EPHA6: variants seen among roughly 807,000 people sequenced by gnomAD.
EPHA6 encodes ephrin type-A receptor 6.
A neutral mutation model predicts 112.0 loss-of-function variants in EPHA6; 50 were observed. That is an observed-to-expected ratio of 0.45 (90% confidence interval 0.36 to 0.56). EPHA6 has a LOEUF of 0.56. Ranked by LOEUF, EPHA6 falls within the 20% of genes least tolerant of loss-of-function variation. The pLI, the probability that EPHA6 is intolerant of heterozygous loss-of-function variation, is 0.00. For missense variants in EPHA6, 1,280 were observed against 1,417.4 expected (o/e 0.90, Z 1.56); for synonymous variants, 529 against 490.7 (o/e 1.08, Z -1.03).
chr3:97,231,225 T>C (rs180819074), intron 4 of EPHA6, among the ~76,000 whole-genome samples: 13 of 152,250 alleles, frequency 8.5e-5, no homozygotes, highest in African/African-American at 2.9e-4. Flanking sequence ...AAGTGAAATA[T>C]AGAGCTTTAG....
intron 5 of EPHA6, among the ~76,000 whole-genome samples, chr3:97,378,655 C>T (rs1335749548): frequency 6.6e-6 from 1 of 152,172 alleles, no homozygotes; most frequent in Non-Finnish European, 1.5e-5. Context: ...ATCTGTGTGA[C>T]CTGGATGTCA....
chr3:97,704,667 G>A (rs1327809107), intron 14 of EPHA6, among the ~76,000 whole-genome samples: 1 of 152,064 alleles, frequency 6.6e-6, no homozygotes, highest in East Asian at 1.9e-4. Flanking sequence ...TGTAAATGGT[G>A]CTTCTATAGT....
At chr3:97,679,858 T>C (rs1400141632) in intron 14 of EPHA6, among the ~76,000 whole-genome samples, 1 of 152,146 alleles carries the variant, frequency 6.6e-6, no homozygotes, top group Non-Finnish European at 1.5e-5. Flanking sequence ...TCTCAGAAGA[T>C]CCAGCATGAA....
intron 12 of EPHA6, among the ~76,000 whole-genome samples, chr3:97,605,230 G>C (rs1252095420): frequency 2.0e-5 from 3 of 151,412 alleles, no homozygotes; most frequent in African/African-American, 7.3e-5. Context: ...CAAGAAGGCA[G>C]TCTTCCAAAG....
intron 3 of EPHA6, among the ~76,000 whole-genome samples, chr3:97,164,135 ACAT>A (rs2076481960): frequency 6.6e-6 from 1 of 152,208 alleles, no homozygotes; most frequent in Admixed American, 6.6e-5. Flanking sequence ...TATTTGACAT[ACAT>A]GTCCAAAAAT....
At chr3:97,459,336 T>A (rs2090807141) in intron 7 of EPHA6, among the ~76,000 whole-genome samples, 1 of 152,134 alleles carries the variant, frequency 6.6e-6, no homozygotes, top group Admixed American at 6.5e-5. Context: ...ACCCACTAAA[T>A]CAGAAACTCT....
intron 5 of EPHA6, among the ~76,000 whole-genome samples, chr3:97,264,649 C>A (rs796470660): frequency 7.2e-5 from 11 of 152,314 alleles, no homozygotes; most frequent in African/African-American, 2.4e-4. Flanking sequence ...GCATTTTTAG[C>A]CTCGCCATTT....
At chr3:96,991,883 G>T (rs1197891029) in intron 3 of EPHA6, among the ~76,000 whole-genome samples, 1 of 152,120 alleles carries the variant, frequency 6.6e-6, no homozygotes, top group Non-Finnish European at 1.5e-5. Flanking sequence ...ATTCCGAAAG[G>T]CAGGGAACAC....
chr3:97,503,908 T>C (rs999293363), intron 10 of EPHA6, among the ~76,000 whole-genome samples: 2 of 152,166 alleles, frequency 1.3e-5, no homozygotes, highest in Non-Finnish European at 2.9e-5. Flanking sequence ...TTAAATTTGA[T>C]AAGTAAAGGA....
intron 3 of EPHA6, among the ~76,000 whole-genome samples, chr3:97,189,259 G>A (rs747060052): frequency 6.6e-6 from 1 of 151,970 alleles, no homozygotes; most frequent in Non-Finnish European, 1.5e-5. Flanking sequence ...AATGAGTAAG[G>A]ATAATCAATA....
At chr3:97,662,281 T>C (rs369464348) in intron 14 of EPHA6, among the ~76,000 whole-genome samples, 4 of 152,194 alleles carry the variant, frequency 2.6e-5, no homozygotes, top group African/African-American at 4.8e-5. Flanking sequence ...TAATTTAACA[T>C]GTGAAAAAGA....
intron 7 of EPHA6, among the ~76,000 whole-genome samples, chr3:97,463,555 C>T (rs916446157): frequency 7.2e-5 from 11 of 152,130 alleles, no homozygotes; most frequent in South Asian, 2.1e-4. Flanking sequence ...AGTTATCATA[C>T]GCTCATGAAG....
rs148737821 is a variant in EPHA6, at chr3:97,099,938, T to C, written c.1114+111945T>C. ...ATTGCTGTTAGTCTACCTTGACCAA[T>C]AGATTTGTGCTTAGCACAAAATTGG... On this transcript the variant is annotated intron_variant, in intron 3 of 17. Coordinates refer to ENST00000389672, the MANE Select transcript of EPHA6 (RefSeq NM_001080448.3). 2.0e-4 allele frequency among the ~76,000 whole-genome samples: 31 copies of C among 152,146 alleles called. No individual in the cohort carries two copies. In the East Asian group the frequency reaches 5.2e-3, roughly 26 times the overall value.
chr3:97,445,704 A>T (rs1305372551), intron 6 of EPHA6, among the ~76,000 whole-genome samples: 4 of 150,456 alleles, frequency 2.7e-5, no homozygotes. Flanking sequence ...GTAATAGATT[A>T]AAAAAAAATA....
chr3:96,822,535 A>G (rs891662533), intron 1 of EPHA6, among the ~76,000 whole-genome samples: 10 of 151,828 alleles, frequency 6.6e-5, no homozygotes, highest in Admixed American at 5.3e-4. Flanking sequence ...CTTCAAATGT[A>G]AAAGACGTAC....
intron 2 of EPHA6, among the ~76,000 whole-genome samples, chr3:96,986,372 T>C (rs1218200474): frequency 6.6e-6 from 1 of 152,180 alleles, no homozygotes. Context: ...TAAAGACTTT[T>C]GGTTTGGCTG....
chr3:97,278,046 T>C (rs773272308), intron 5 of EPHA6, among the ~76,000 whole-genome samples: 2 of 152,246 alleles, frequency 1.3e-5, no homozygotes, highest in Non-Finnish European at 2.9e-5. Flanking sequence ...AGCACATGAC[T>C]GTACTATAAT....
intron 3 of EPHA6, among the ~76,000 whole-genome samples, chr3:97,119,281 C>A (rs1002052910): frequency 6.6e-6 from 1 of 152,012 alleles, no homozygotes; most frequent in Non-Finnish European, 1.5e-5. Flanking sequence ...GCTTCCAATT[C>A]ATCTTACTTT....
At chr3:97,162,991 G>T (rs1428011848) in intron 3 of EPHA6, among the ~76,000 whole-genome samples, 1 of 152,106 alleles carries the variant, frequency 6.6e-6, no homozygotes, top group African/African-American at 2.4e-5. Context: ...CTGTGTATCA[G>T]CCCCTGCTGC....
Sources: allele counts gnomAD v4.1 joint callset (sites outside exome capture counted in the v4.1 genomes callset), GRCh38; gene constraint gnomAD v4.1.1; transcripts MANE v1.5; gene names NCBI Gene and HGNC (gene_info 2026-07-23, HGNC 2026-07-21).